Variants in SUSD6 observed in about 807,000 individuals in gnomAD.
SUSD6 encodes sushi domain containing 6.
Under a neutral mutation model 28.4 loss-of-function variants are expected in SUSD6, and 16 were observed. The observed-to-expected ratio is 0.56, with a 90% CI of 0.38 to 0.86. The LOEUF (loss-of-function observed/expected upper bound fraction) is 0.86. SUSD6 is among the 40% of genes least tolerant of loss of function. The pLI is 0.00. For synonymous variants in SUSD6, 147 were observed against 159.6 expected (o/e 0.92, Z 0.59); for missense variants, 341 against 384.2 (o/e 0.89, Z 0.94).
intron 2 of SUSD6, among the ~76,000 whole-genome samples, chr14:69,668,813 G>T (rs1455156070): frequency 3.3e-5 from 5 of 151,802 alleles, no homozygotes; most frequent in Non-Finnish European, 5.9e-5. Context: ...GTTCACATGA[G>T]ATCTGGTGGT....
At chr14:69,627,754 G>A (rs538272468) in intron 1 of SUSD6, among the ~76,000 whole-genome samples, 1 of 152,246 alleles carries the variant, frequency 6.6e-6, no homozygotes, top group East Asian at 1.9e-4. Flanking sequence ...GTGAGCCACC[G>A]TGCCCGGCCC....
At chr14:69,657,376 A>T (rs538138699) in intron 1 of SUSD6, among the ~76,000 whole-genome samples, 1 of 151,886 alleles carries the variant, frequency 6.6e-6, no homozygotes. Flanking sequence ...AATCACTTCA[A>T]CCCGGGAGGT....
intron 2 of SUSD6, among the ~76,000 whole-genome samples, chr14:69,687,037 C>T (rs553135100): frequency 7.2e-5 from 11 of 152,288 alleles, no homozygotes; most frequent in South Asian, 6.2e-4. Context: ...TGCAGTGGTG[C>T]GAACTTGTCT....
intron 2 of SUSD6, among the ~76,000 whole-genome samples, chr14:69,688,200 T>C (rs777255630): frequency 3.9e-5 from 6 of 152,224 alleles, no homozygotes; most frequent in Non-Finnish European, 8.8e-5. Flanking sequence ...TGACCCTCTA[T>C]CTCCCAAATA....
chr14:69,627,428 T>C (rs1371452477), intron 1 of SUSD6, among the ~76,000 whole-genome samples: 1 of 152,212 alleles, frequency 6.6e-6, no homozygotes, highest in Non-Finnish European at 1.5e-5. Flanking sequence ...CCTTGGTCTA[T>C]GTAAAGTTGT....
At position 69,714,827 on chromosome 14, in the gene SUSD6, T is replaced by A. The variant is rs895088884; in HGVS notation, c.*3848T>A. On this transcript the variant is annotated 3_prime_UTR_variant, in exon 6 of 6. Transcript: ENST00000342745. ...TCAGTTGCCAAGCAAGGAGGAGAGA[T>A]GTACGTGGGCTGTGTGGCAGTCCCC... The A allele has an allele frequency of 6.6e-6, 1 of 152,138 alleles. No homozygotes were observed. The highest frequency in any genetic ancestry group is 2.4e-5 in the African/African-American group (1 of 41,422). The allele number at this position is 152,138 out of a possible 1,614,324, so 9.4% of individuals were successfully genotyped here.
At chr14:69,661,539 C>T (rs901808396) in intron 2 of SUSD6, among the ~76,000 whole-genome samples, 4 of 152,128 alleles carry the variant, frequency 2.6e-5, no homozygotes, top group Admixed American at 6.5e-5. Context: ...AACATGTGTA[C>T]TGGCAGGGGA....
At chr14:69,675,838 G>C (rs1197117416) in intron 2 of SUSD6, among the ~76,000 whole-genome samples, 3 of 152,192 alleles carry the variant, frequency 2.0e-5, no homozygotes, top group Non-Finnish European at 4.4e-5. Flanking sequence ...GGCTGGTCTA[G>C]AACTCCTGGC....
At chr14:69,662,937 A>G (rs1885684567) in intron 2 of SUSD6, among the ~76,000 whole-genome samples, 1 of 152,256 alleles carries the variant, frequency 6.6e-6, no homozygotes, top group Non-Finnish European at 1.5e-5. Context: ...AAATAACAAC[A>G]ACAGAATTGG....
At chr14:69,626,697 C>T (rs1384486117) in intron 1 of SUSD6, among the ~76,000 whole-genome samples, 2 of 151,364 alleles carry the variant, frequency 1.3e-5, no homozygotes, top group Non-Finnish European at 2.9e-5. Context: ...ACTTTTTTTT[C>T]GAGATAGGGT....
At chr14:69,692,612 T>C (rs1383269832) in intron 2 of SUSD6, among the ~76,000 whole-genome samples, 1 of 152,244 alleles carries the variant, frequency 6.6e-6, no homozygotes, top group East Asian at 1.9e-4. Flanking sequence ...TGTATCCTTT[T>C]GGCAACAGAG....
chr14:69,703,290 C>T, intron 2 of SUSD6, 105 bp from the exon 3 acceptor site: 1 of 893,550 alleles, frequency 1.1e-6, no homozygotes, highest in Non-Finnish European at 1.7e-6. Context: ...AGGGTTATTT[C>T]CTCCTCCTGT....
chr14:69,682,441 C>T (rs1042964251), intron 2 of SUSD6, among the ~76,000 whole-genome samples: 2 of 152,116 alleles, frequency 1.3e-5, no homozygotes, highest in East Asian at 3.8e-4. Flanking sequence ...CTACTTTGCC[C>T]ATGTCTCTTC....
chr14:69,700,979 A>G (rs1886305275), intron 2 of SUSD6, among the ~76,000 whole-genome samples: 1 of 152,218 alleles, frequency 6.6e-6, no homozygotes, highest in Admixed American at 6.5e-5. Flanking sequence ...GTATGTTTAT[A>G]AACTCAGAGT....
At chr14:69,685,562 TAAA>T (rs1422403662) in intron 2 of SUSD6, among the ~76,000 whole-genome samples, 1 of 152,170 alleles carries the variant, frequency 6.6e-6, no homozygotes, top group African/African-American at 2.4e-5. Flanking sequence ...GGTCTCTTAG[TAAA>T]ATGCAGGTGT....
chr14:69,671,144 G>A (rs929966424), intron 2 of SUSD6, among the ~76,000 whole-genome samples: 1 of 152,190 alleles, frequency 6.6e-6, no homozygotes, highest in Non-Finnish European at 1.5e-5. Context: ...TTGTGGAGGA[G>A]GAGGAGGAAG....
At chr14:69,628,242 C>T (rs926797327) in intron 1 of SUSD6, among the ~76,000 whole-genome samples, 3 of 152,110 alleles carry the variant, frequency 2.0e-5, no homozygotes, top group Admixed American at 6.6e-5. Flanking sequence ...CCCAAAGTGA[C>T]TCTGAACTCT....
intron 1 of SUSD6, among the ~76,000 whole-genome samples, chr14:69,655,758 A>C (rs1361601370): frequency 1.3e-5 from 2 of 152,146 alleles, no homozygotes; most frequent in Non-Finnish European, 2.9e-5. Context: ...ACACCACTGC[A>C]TTCCAGCCTG....
chr14:69,659,365 A>T (rs1372687153), intron 2 of SUSD6, among the ~76,000 whole-genome samples: 1 of 152,166 alleles, frequency 6.6e-6, no homozygotes, highest in Non-Finnish European at 1.5e-5. Flanking sequence ...CCTCCATCAG[A>T]TGAATGGGTT....
Sources: allele counts gnomAD v4.1 joint callset (sites outside exome capture counted in the v4.1 genomes callset), GRCh38; gene constraint gnomAD v4.1.1; transcripts MANE v1.5; gene names NCBI Gene and HGNC (gene_info 2026-07-23, HGNC 2026-07-21).